The following ABLIM2 variants were observed in gnomAD, a reference collection of about 807,000 sequenced individuals.
ABLIM2 encodes actin-binding LIM protein 2.
In ABLIM2, 53 loss-of-function variants were observed where a neutral mutation model predicts 97.7. The ratio of observed to expected loss-of-function variants is 0.54; its 90% CI spans 0.44 to 0.68. ABLIM2 has a LOEUF of 0.68. Among genes scored for constraint, ABLIM2 ranks in the 30% least tolerant of loss-of-function variants. The pLI is 0.00. For missense variants in ABLIM2, 835 were observed against 867.2 expected (o/e 0.96, Z 0.47); for synonymous variants, 361 against 345.8 (o/e 1.04, Z -0.49).
chr4:8,005,716 C>T lies in ABLIM2; in HGVS notation c.1618+2343G>A, dbSNP rs947293737. ...AAATCGGGAAACAAGGCAATGCCAT[C>T]GGGACAGAAGTAAAGGCACAATCAG... On this transcript the variant is annotated intron_variant, in intron 16 of 20. Coordinates refer to ENST00000447017, the MANE Select transcript of ABLIM2 (RefSeq NM_001130083.2). The surrounding 1 kb of genome is among the most constrained non-coding windows in gnomAD (Gnocchi z 4.9). Among the ~76,000 whole-genome samples, 11 of 152,166 alleles carry T rather than the reference C, an allele frequency of 7.2e-5. No homozygotes were observed. Among genetic ancestry groups the T allele is most frequent in the Non-Finnish European group, 1.2e-4 (8 of 68,040 alleles).
chr4:7,980,532 T>C lies in ABLIM2; in HGVS notation c.1824+2732A>G, dbSNP rs1377057127. ...GAGTTTGAGAACAGCCTGGCCAACG[T>C]GGTGAAACCCCATCTCTACTAAAAA... On this transcript the variant is annotated intron_variant, in intron 20 of 20. Coordinates refer to ENST00000447017, the MANE Select transcript of ABLIM2 (RefSeq NM_001130083.2). 7.2e-5 allele frequency among the ~76,000 whole-genome samples: 11 copies of C among 152,162 alleles called. No homozygotes were observed. The East Asian group carries it at 1.7e-3, about 24-fold the overall frequency.
rs77249865 is a variant in ABLIM2, at chr4:8,102,865, G to A, written c.154+3629C>T. Reference sequence around the variant, plus strand: ...CACGAGCCCCCCGTTCCTCTTTGCCGGTGGGGGTGAACGTGTGACCGAGTT... The same window carrying A: ...CACGAGCCCCCCGTTCCTCTTTGCCAGTGGGGGTGAACGTGTGACCGAGTT... On this transcript the variant is annotated intron_variant, in intron 2 of 20. Transcript: ENST00000447017. Among the ~76,000 whole-genome samples the A allele has an allele frequency of 5.3e-3, 814 of 152,354 alleles. 5 individuals carry two copies. Among genetic ancestry groups the A allele is most frequent in the African/African-American group, 0.018 (732 of 41,582 alleles).
Position 8,083,733 on chromosome 4 carries a change from C to A in ABLIM2, c.455-2931G>T, listed in dbSNP as rs370379325. ...ACAGGCTGTGGACTAGAGCTGTCAG[C>A]GGCAGGATGTCCCTAGCAGGGCAGA... On this transcript the variant is annotated intron_variant, in intron 4 of 20. Transcript: ENST00000447017. The surrounding 1 kb of genome is among the most constrained non-coding windows in gnomAD (Gnocchi z 4.6). 6.6e-6 allele frequency among the ~76,000 whole-genome samples: 1 copy of A among 152,326 alleles called. No individual in the cohort carries two copies. The highest frequency in any genetic ancestry group is 2.1e-4 in the South Asian group (1 of 4,822).
intron 3 of ABLIM2, among the ~76,000 whole-genome samples, chr4:8,091,428 T>C (rs1194155909): frequency 8.3e-5 from 4 of 47,950 alleles, no homozygotes; most frequent in Non-Finnish European, 8.3e-5. Context: ...TTATATATTA[T>C]ATATAATTAA....
intron 20 of ABLIM2, among the ~76,000 whole-genome samples, chr4:7,982,838 G>C (rs1739856164): frequency 1.3e-5 from 2 of 152,116 alleles, no homozygotes; most frequent in African/African-American, 4.8e-5. Flanking sequence ...TGAGTAGCTG[G>C]GATTACAGGC....
intron 12 of ABLIM2, among the ~76,000 whole-genome samples, chr4:8,024,228 A>G (rs1407084509): frequency 6.6e-6 from 1 of 152,092 alleles, no homozygotes; most frequent in Non-Finnish European, 1.5e-5. Flanking sequence ...GCCTGGCCAG[A>G]GGCTTCAGCA....
chr4:7,977,826 A>AAAT (rs1181092064), intron 20 of ABLIM2, among the ~76,000 whole-genome samples: 2 of 151,634 alleles, frequency 1.3e-5, no homozygotes, highest in Non-Finnish European at 2.9e-5. Context: ...ATAAATAAAT[A>AAAT]AAAGGTGGGG....
At chr4:7,971,875 C>A (rs1398621416) in intron 20 of ABLIM2, among the ~76,000 whole-genome samples, 1 of 152,150 alleles carries the variant, frequency 6.6e-6, no homozygotes, top group African/African-American at 2.4e-5. Context: ...GGCTGGCTGA[C>A]CGGGTGGGCC....
At position 8,032,574 on chromosome 4, in the gene ABLIM2, G is replaced by A. The variant is rs915247095; in HGVS notation, c.1048-2798C>T. 3.2e-5 allele frequency: 51 copies of A among 1,594,068 alleles called. No homozygotes were observed. The Middle Eastern group carries it at 8.7e-4, about 27-fold the overall frequency. On this transcript the variant is annotated intron_variant, in intron 10 of 20. Coordinates refer to ENST00000447017, the MANE Select transcript of ABLIM2 (RefSeq NM_001130083.2). This position sits in a 1 kb window ranked among gnomAD's most constrained non-coding sequence, Gnocchi z 4.3. ...CCGAGGAGGCCCTTCCCGGGAGTGC[G>A]GCTGGGTGGTTATGTTTATAACCCA...
In ABLIM2 at chr4:8,005,261, T is replaced by C. The variant is rs77249161; in HGVS notation, c.1618+2798A>G. 86,748 of 516,818 alleles carry C rather than the reference T, an allele frequency of 0.17. 8,157 individuals carry two copies. The highest frequency in any genetic ancestry group is 0.29 in the African/African-American group (15,252 of 51,762). The allele number at this position is 516,818 out of a possible 1,614,324, so 32.0% of individuals were successfully genotyped here. On this transcript the variant is annotated intron_variant, in intron 16 of 20. Coordinates refer to ENST00000447017, the MANE Select transcript of ABLIM2 (RefSeq NM_001130083.2). This position sits in a 1 kb window ranked among gnomAD's most constrained non-coding sequence, Gnocchi z 4.9. The stretch of plus-strand genomic sequence containing the variant: ...GCTTCTCCAGGTCAGGGGCTGCTCT[T>C]GTCTTCTCTGTCCCCCTCGGCGCCC...
chr4:8,007,805 A>C, intron 16 of ABLIM2: 3 of 1,293,116 alleles, frequency 2.3e-6, no homozygotes, highest in Non-Finnish European at 2.9e-6. Flanking sequence ...ATTCTTGCAC[A>C]CCTTGGAAAT....
At chr4:8,118,552 T>TTA (rs1843794835) in intron 1 of ABLIM2, among the ~76,000 whole-genome samples, 1 of 152,172 alleles carries the variant, frequency 6.6e-6, no homozygotes, top group Non-Finnish European at 1.5e-5. Flanking sequence ...ACCCCTCTGC[T>TTA]TAGGTCCCTC....
Position 8,072,689 on chromosome 4 carries a change from G to A in ABLIM2, c.675+4939C>T, listed in dbSNP as rs1054826022. Among the ~76,000 whole-genome samples the A allele has an allele frequency of 1.3e-5, 2 of 152,252 alleles. No homozygotes were observed. The highest frequency in any genetic ancestry group is 3.2e-3 in the Middle Eastern group (1 of 316). On this transcript the variant is annotated intron_variant, in intron 6 of 20. Coordinates refer to ENST00000447017, the MANE Select transcript of ABLIM2 (RefSeq NM_001130083.2). The surrounding 1 kb of genome is among the most constrained non-coding windows in gnomAD (Gnocchi z 5.8). ...CACCGACTCTCAGTGGCTGATGGCC[G>A]GGCACGTGGGTGGATCCAGCTGGAC...
At position 8,084,944 on chromosome 4, in the gene ABLIM2, C is replaced by T. The variant is rs181585965; in HGVS notation, c.454+3225G>A. Among the ~76,000 whole-genome samples, 104 of 152,310 alleles carry T rather than the reference C, an allele frequency of 6.8e-4. 1 individual carries two copies. In the East Asian group the frequency reaches 0.015, roughly 23 times the overall value. ...TGCGACGGCCGCCCTGTGACAGGCT[C>T]GTGACCAGCAATGGGTCAGCACTGG... is the stretch of plus-strand genomic sequence containing the variant. On this transcript the variant is annotated intron_variant, in intron 4 of 20. Transcript: ENST00000447017.
chr4:8,097,187 A>C lies in ABLIM2; in HGVS notation c.250T>G (p.Phe84Val). 5.6e-6 allele frequency: 9 copies of C among 1,602,086 alleles called. No homozygotes were observed. Among genetic ancestry groups the C allele is most frequent in the Non-Finnish European group, 6.0e-6 (7 of 1,174,774 alleles). Residue 84 changes from phenylalanine (F) to valine (V), a missense_variant, in exon 3 of 21, where the codon TTC becomes GTC. Coordinates refer to ENST00000447017, the MANE Select transcript of ABLIM2 (RefSeq NM_001130083.2). Reference sequence around the variant, plus strand: ...CCCTCAATGAACTGGTCGCAGCTGAAGCAGCGGGTGCCGTAGAGCCTCTGG... The same window carrying C: ...CCCTCAATGAACTGGTCGCAGCTGACGCAGCGGGTGCCGTAGAGCCTCTGG... ...DYQRLYGTRCFSCDQFIEGEV... is the reference protein window; with the variant it reads ...DYQRLYGTRCVSCDQFIEGEV...
At position 8,054,366 on chromosome 4, in the gene ABLIM2, C is replaced by T. The variant is rs1797733364; in HGVS notation, c.764-120G>A. The T allele has an allele frequency of 9.5e-7, 1 of 1,056,724 alleles. No homozygotes were observed. The highest frequency in any genetic ancestry group is 1.4e-6 in the Non-Finnish European group (1 of 706,044). 65.5% of individuals were successfully genotyped at this position (1,056,724 alleles called of 1,614,324 possible). A position where few individuals can be genotyped will look rare whatever the true frequency, so the allele number is the denominator to read the frequency against. ...CAGACGTGCACTCGGACTCCACCCT[C>T]CAAGCGGCCCTGAGCATCCTCTCTG... On this transcript the variant is annotated intron_variant, in intron 7 of 20. Transcript: ENST00000447017. The surrounding 1 kb of genome is among the most constrained non-coding windows in gnomAD (Gnocchi z 4.9).
intron 1 of ABLIM2, among the ~76,000 whole-genome samples, chr4:8,141,907 T>C (rs1390375787): frequency 6.6e-6 from 1 of 152,230 alleles, no homozygotes; most frequent in Admixed American, 6.5e-5. Flanking sequence ...ACATGCACCC[T>C]GGATCTGAGA....
At chr4:8,153,816 A>G (rs1470412109) in intron 1 of ABLIM2, among the ~76,000 whole-genome samples, 3 of 152,200 alleles carry the variant, frequency 2.0e-5, no homozygotes, top group African/African-American at 7.2e-5. Flanking sequence ...GGTGCAGAAG[A>G]CGGAAAACTT....
chr4:7,983,311 G>C lies in ABLIM2; in HGVS notation c.1777C>G (p.Arg593Gly). The change falls in exon 20 of 21, where the codon CGA becomes GGA. Residue 593 changes from arginine (R) to glycine (G), a missense_variant. Physicochemically the swap from Arg to Gly is moderately radical, Grantham distance 125 (BLOSUM62 -2). Coordinates refer to ENST00000447017, the MANE Select transcript of ABLIM2 (RefSeq NM_001130083.2). ...TCTTTGGGCAGTTTCACGCGAATTC[G>C]GTTTGTGACGATGAGGGAGTCATAC... ...YPYDSLIVTN[R>G]IRVKLPKDVD... 2 of 1,612,576 alleles carry C rather than the reference G, an allele frequency of 1.2e-6. No individual in the cohort carries two copies. Among genetic ancestry groups the C allele is most frequent in the Non-Finnish European group, 1.7e-6 (2 of 1,179,544 alleles).
Sources: allele counts gnomAD v4.1 joint callset (sites outside exome capture counted in the v4.1 genomes callset), GRCh38; gene constraint gnomAD v4.1.1; non-coding constraint Gnocchi (gnomAD v3.1); transcripts MANE v1.5; gene names NCBI Gene and HGNC (gene_info 2026-07-23, HGNC 2026-07-21).